Variants in CSMD1 observed in about 807,000 individuals in gnomAD.
CSMD1 encodes the protein CUB and Sushi multiple domains 1.
CSMD1 carries 213 observed loss-of-function variants against 417.5 expected under a neutral mutation model. The ratio of observed to expected loss-of-function variants is 0.51; its 90% CI spans 0.46 to 0.57. CSMD1 has a LOEUF of 0.57. Among genes scored for constraint, CSMD1 ranks in the 20% least tolerant of loss-of-function variants. The probability of loss-of-function intolerance (pLI) is 0.00; values close to 1 mark genes in which losing one functional copy is unlikely to be tolerated. For missense variants in CSMD1, 6,923 were observed against 4,529.7 expected, an observed-to-expected ratio of 1.53 and a Z score of -15.17; for synonymous variants, 2,862 against 1,736.8, an observed-to-expected ratio of 1.65 and a Z score of -16.11.
intron 1 of CSMD1, among the ~76,000 whole-genome samples, chr8:4,661,307 T>C (rs1421662943): frequency 6.6e-6 from 1 of 152,030 alleles, no homozygotes; most frequent in Non-Finnish European, 1.5e-5. Context: ...TAACAACAAA[T>C]AAAAACAGAC....
chr8:4,258,075 C>G (rs1206535311), intron 3 of CSMD1, among the ~76,000 whole-genome samples: 1 of 151,784 alleles, frequency 6.6e-6, no homozygotes, highest in African/African-American at 2.4e-5. Flanking sequence ...TCCCTAGTAA[C>G]TGGGACTACA....
chr8:4,381,744 C>G (rs1803119273), intron 3 of CSMD1, among the ~76,000 whole-genome samples: 1 of 152,090 alleles, frequency 6.6e-6, no homozygotes, highest in Admixed American at 6.6e-5. Flanking sequence ...GGCTTCGATG[C>G]TATGTTTTTT....
At chr8:4,626,615 G>A (rs546085825) in intron 2 of CSMD1, among the ~76,000 whole-genome samples, 5 of 152,094 alleles carry the variant, frequency 3.3e-5, no homozygotes, top group African/African-American at 4.8e-5. Context: ...AGGACCGCAG[G>A]GGGCAGGGTG....
chr8:3,785,419 A>G (rs1799404925), intron 5 of CSMD1, among the ~76,000 whole-genome samples: 1 of 152,182 alleles, frequency 6.6e-6, no homozygotes, highest in African/African-American at 2.4e-5. Flanking sequence ...AGGTCAGGCT[A>G]AGCAGCTGGG....
chr8:3,624,844 T>G (rs997808144), intron 7 of CSMD1, among the ~76,000 whole-genome samples: 1 of 152,204 alleles, frequency 6.6e-6, no homozygotes, highest in African/African-American at 2.4e-5. Context: ...AATTGAAAAG[T>G]AATAGCTCTA....
At chr8:3,811,539 G>C (rs1046702177) in intron 5 of CSMD1, among the ~76,000 whole-genome samples, 3 of 152,080 alleles carry the variant, frequency 2.0e-5, no homozygotes, top group Non-Finnish European at 2.9e-5. Context: ...TTGACAATGT[G>C]TTCTTTTCTC....
chr8:3,809,746 G>C (rs1413195914), intron 5 of CSMD1, among the ~76,000 whole-genome samples: 1 of 152,144 alleles, frequency 6.6e-6, no homozygotes, highest in Non-Finnish European at 1.5e-5. Context: ...TTTCCTAAGA[G>C]GGGAGTTGAG....
chr8:4,192,501 C>A (rs992950439), intron 3 of CSMD1, among the ~76,000 whole-genome samples: 1 of 151,640 alleles, frequency 6.6e-6, no homozygotes, highest in African/African-American at 2.4e-5. Context: ...AAACTAAAGC[C>A]CGTTTAAGAC....
chr8:4,860,993 T>G (rs931883288), intron 1 of CSMD1, among the ~76,000 whole-genome samples: 1 of 152,120 alleles, frequency 6.6e-6, no homozygotes, highest in Non-Finnish European at 1.5e-5. Context: ...ATTCACGTTC[T>G]CACTACTATT....
At chr8:3,567,884 T>C (rs62475839) in intron 10 of CSMD1, among the ~76,000 whole-genome samples, 22,962 of 152,058 alleles carry the variant, frequency 0.15, 2,071 homozygotes, top group Non-Finnish European at 0.2. Flanking sequence ...TCCTCATCAC[T>C]CTCCTTCTTC....
chr8:3,396,072 G>C, intron 17 of CSMD1, 122 bp downstream of exon 17: 1 of 786,606 alleles, frequency 1.3e-6, no homozygotes, highest in East Asian at 2.7e-5. Context: ...GTATGGTTTT[G>C]CTAGAGTCAA....
At chr8:4,684,808 G>C (rs1806268909) in intron 1 of CSMD1, among the ~76,000 whole-genome samples, 1 of 152,080 alleles carries the variant, frequency 6.6e-6, no homozygotes, top group Non-Finnish European at 1.5e-5. Context: ...AGAACAGTAA[G>C]TAAAAAAGAG....
At chr8:3,614,355 C>T (rs1047373892) in intron 8 of CSMD1, among the ~76,000 whole-genome samples, 2 of 151,954 alleles carry the variant, frequency 1.3e-5, no homozygotes, top group African/African-American at 4.8e-5. Context: ...CACCGCCCCC[C>T]GAGCCAGATC....
intron 47 of CSMD1, among the ~76,000 whole-genome samples, chr8:3,096,200 G>A (rs1280864763): frequency 6.6e-6 from 1 of 152,124 alleles, no homozygotes; most frequent in Non-Finnish European, 1.5e-5. Context: ...CACTTTCAGG[G>A]TGTATTCCTA....
At chr8:3,031,353 T>C (rs574389748) in intron 50 of CSMD1, among the ~76,000 whole-genome samples, 2 of 150,882 alleles carry the variant, frequency 1.3e-5, no homozygotes, top group South Asian at 4.3e-4. Flanking sequence ...CTAGGAGATA[T>C]ACCTAATGCT....
chr8:4,634,508 G>C (rs1387635019), intron 2 of CSMD1, among the ~76,000 whole-genome samples: 2 of 152,118 alleles, frequency 1.3e-5, no homozygotes, highest in Non-Finnish European at 2.9e-5. Context: ...AATAGCTTTT[G>C]TGCAACAATA....
intron 5 of CSMD1, among the ~76,000 whole-genome samples, chr8:3,944,186 C>T (rs936381497): frequency 6.6e-6 from 1 of 152,012 alleles, no homozygotes; most frequent in African/African-American, 2.4e-5. Context: ...TTTTGTAAGT[C>T]TGAAATGGTT....
chr8:4,217,058 A>T (rs955167615), intron 3 of CSMD1, among the ~76,000 whole-genome samples: 1 of 152,186 alleles, frequency 6.6e-6, no homozygotes, highest in Admixed American at 6.5e-5. Flanking sequence ...TAAATCAGGT[A>T]GTGTCCTGTG....
At chr8:4,589,148 C>G (rs1462905424) in intron 2 of CSMD1, among the ~76,000 whole-genome samples, 1 of 151,900 alleles carries the variant, frequency 6.6e-6, no homozygotes, top group East Asian at 1.9e-4. Flanking sequence ...TTTCATTGCT[C>G]TCAATGAGAA....
Sources: gnomAD v4.1 joint callset for allele counts (sites outside exome capture counted in the v4.1 genomes callset) on GRCh38, gnomAD v4.1.1 for gene constraint, MANE v1.5 for transcripts, NCBI Gene and HGNC (gene_info 2026-07-23, HGNC 2026-07-21) for gene names.